The following NKAIN2 variants were observed in gnomAD, a reference collection of about 807,000 sequenced individuals.
NKAIN2 encodes sodium/potassium-transporting ATPase subunit beta-1-interacting protein 2.
In NKAIN2, 14 loss-of-function variants were observed where a neutral mutation model predicts 32.6. The observed-to-expected ratio is 0.43, with a 90% confidence interval of 0.28 to 0.67. NKAIN2 has a LOEUF of 0.67. NKAIN2 is among the 30% of genes least tolerant of loss of function. NKAIN2 has a pLI of 0.17. For synonymous variants in NKAIN2, 80 were observed against 87.2 expected (o/e 0.92, Z 0.46); for missense variants, 198 against 258.3 (o/e 0.77, Z 1.60).
intron 1 of NKAIN2, among the ~76,000 whole-genome samples, chr6:124,225,685 T>TA (rs1199617311): frequency 1.3e-5 from 2 of 151,864 alleles, no homozygotes; most frequent in Non-Finnish European, 2.9e-5. Context: ...GAGAAACACT[T>TA]ATTTTTATTG....
chr6:124,302,561 C>A (rs892352243), intron 2 of NKAIN2, among the ~76,000 whole-genome samples: 5 of 152,056 alleles, frequency 3.3e-5, no homozygotes, highest in Non-Finnish European at 7.4e-5. Flanking sequence ...TTAAACTAAG[C>A]TATCCTATCT....
chr6:124,054,753 C>G (rs1360429176), intron 1 of NKAIN2, among the ~76,000 whole-genome samples: 3 of 151,930 alleles, frequency 2.0e-5, no homozygotes, highest in African/African-American at 4.8e-5. Context: ...CTAGGCATTC[C>G]TTTCAGGTTG....
At position 124,464,687 on chromosome 6, in the gene NKAIN2, G is replaced by A. The variant is rs542187574; in HGVS notation, c.273+109340G>A. 1.2e-4 allele frequency among the ~76,000 whole-genome samples: 18 copies of A among 152,064 alleles called. No homozygotes were observed. The East Asian group carries it at 1.7e-3, about 15-fold the overall frequency. ...GATCTCATGATTGTAGATGTGTGGCGTTATTTCTGAGGCCTCTGTTCTGTT... is the reference window on the plus strand; with the variant it reads ...GATCTCATGATTGTAGATGTGTGGCATTATTTCTGAGGCCTCTGTTCTGTT... On this transcript the variant is annotated intron_variant, in intron 3 of 6. Transcript: ENST00000368417.
intron 4 of NKAIN2, among the ~76,000 whole-genome samples, chr6:124,752,709 C>T (rs1306369049): frequency 6.6e-6 from 1 of 152,060 alleles, no homozygotes; most frequent in Non-Finnish European, 1.5e-5. Context: ...CATAGGCACA[C>T]TTCTATGCTC....
chr6:124,088,736 T>A (rs1784298468), intron 1 of NKAIN2, among the ~76,000 whole-genome samples: 1 of 152,038 alleles, frequency 6.6e-6, no homozygotes. Context: ...GATGTTGAGT[T>A]GATTTGCATA....
chr6:124,726,039 C>A (rs961936301), intron 4 of NKAIN2, among the ~76,000 whole-genome samples: 1 of 152,302 alleles, frequency 6.6e-6, no homozygotes, highest in African/African-American at 2.4e-5. Context: ...ATATCCTGCA[C>A]CTGGCTTGGA....
intron 1 of NKAIN2, among the ~76,000 whole-genome samples, chr6:123,990,421 T>C (rs1318796023): frequency 1.3e-5 from 2 of 152,192 alleles, no homozygotes; most frequent in East Asian, 3.9e-4. Flanking sequence ...GGAAAATAAA[T>C]TGTTGACCTC....
chr6:123,837,436 C>T (rs1325896274), intron 1 of NKAIN2, among the ~76,000 whole-genome samples: 3 of 152,042 alleles, frequency 2.0e-5, no homozygotes, highest in Non-Finnish European at 4.4e-5. Flanking sequence ...TGTTTCTCTT[C>T]CACCCACATT....
intron 1 of NKAIN2, among the ~76,000 whole-genome samples, chr6:124,203,231 AT>A (rs1298133884): frequency 1.3e-5 from 2 of 151,882 alleles, no homozygotes; most frequent in African/African-American, 2.4e-5. Flanking sequence ...ATTATTTGTC[AT>A]TCTAGTCCTT....
intron 1 of NKAIN2, among the ~76,000 whole-genome samples, chr6:124,065,239 C>CAA (rs1554250144): frequency 2.6e-5 from 4 of 151,638 alleles, no homozygotes; most frequent in East Asian, 3.9e-4. Flanking sequence ...CACACACACA[C>CAA]AACACTCAAC....
chr6:124,755,131 G>T (rs377028604), intron 4 of NKAIN2, among the ~76,000 whole-genome samples: 1 of 152,110 alleles, frequency 6.6e-6, no homozygotes, highest in South Asian at 2.1e-4. Flanking sequence ...CCAACAGTGC[G>T]GCCTTCGGAC....
At chr6:124,674,663 T>C (rs1255780327) in intron 4 of NKAIN2, among the ~76,000 whole-genome samples, 1 of 152,092 alleles carries the variant, frequency 6.6e-6, no homozygotes, top group African/African-American at 2.4e-5. Flanking sequence ...GATTATTTGC[T>C]GTTAATGTAT....
At chr6:123,906,093 A>G (rs974892093) in intron 1 of NKAIN2, among the ~76,000 whole-genome samples, 1 of 152,162 alleles carries the variant, frequency 6.6e-6, no homozygotes, top group African/African-American at 2.4e-5. Flanking sequence ...ATTATGAGAA[A>G]GAGTAAATTT....
chr6:124,777,513 C>T (rs1264392779), intron 4 of NKAIN2, among the ~76,000 whole-genome samples: 1 of 152,146 alleles, frequency 6.6e-6, no homozygotes, highest in Non-Finnish European at 1.5e-5. Flanking sequence ...AGAATTTATG[C>T]ATAAACAGTG....
At chr6:123,871,862 T>G (rs964402694) in intron 1 of NKAIN2, among the ~76,000 whole-genome samples, 1 of 152,208 alleles carries the variant, frequency 6.6e-6, no homozygotes, top group African/African-American at 2.4e-5. Flanking sequence ...AAGTCAAGTT[T>G]ATTTCTTTGA....
At chr6:124,131,487 A>C (rs1786473039) in intron 1 of NKAIN2, among the ~76,000 whole-genome samples, 1 of 152,188 alleles carries the variant, frequency 6.6e-6, no homozygotes, top group African/African-American at 2.4e-5. Flanking sequence ...AAACCAAAAG[A>C]ATTCAGATCC....
At chr6:124,794,061 C>A (rs183768570) in intron 5 of NKAIN2, among the ~76,000 whole-genome samples, 48 of 152,208 alleles carry the variant, frequency 3.2e-4, no homozygotes, top group Non-Finnish European at 5.6e-4. Context: ...AAGTTGCGCC[C>A]CATGAAATTC....
chr6:123,846,413 G>A (rs765871348), intron 1 of NKAIN2, among the ~76,000 whole-genome samples: 2 of 152,194 alleles, frequency 1.3e-5, no homozygotes, highest in Non-Finnish European at 2.9e-5. Context: ...AAGGAGAGAT[G>A]CAAATAGCTA....
chr6:124,549,772 TAGAC>T (rs573883657), intron 3 of NKAIN2, among the ~76,000 whole-genome samples: 370 of 152,294 alleles, frequency 2.4e-3, no homozygotes, highest in African/African-American at 7.2e-3. Flanking sequence ...TTTTCATGGC[TAGAC>T]AGAGGGTATA....
Sources: allele counts gnomAD v4.1 joint callset (sites outside exome capture counted in the v4.1 genomes callset), GRCh38; gene constraint gnomAD v4.1.1; transcripts MANE v1.5; gene names NCBI Gene and HGNC (gene_info 2026-07-23, HGNC 2026-07-21).